STX18: variants seen among roughly 807,000 people sequenced by gnomAD.
The protein encoded by STX18 is syntaxin-18.
Under a neutral mutation model 50.1 loss-of-function variants are expected in STX18, and 40 were observed. That is an observed-to-expected ratio of 0.80 (90% CI 0.62 to 1.04). The LOEUF (loss-of-function observed/expected upper bound fraction) is 1.04. Among genes scored for constraint, STX18 ranks in the 50% least tolerant of loss-of-function variants. The pLI is 0.00. For missense variants in STX18, 410 were observed against 415.8 expected (o/e 0.99, Z 0.12); for synonymous variants, 158 against 151.8 (o/e 1.04, Z -0.30).
At chr4:4,538,114 A>T (rs1178670984) in intron 1 of STX18, among the ~76,000 whole-genome samples, 3 of 151,752 alleles carry the variant, frequency 2.0e-5, no homozygotes, top group Non-Finnish European at 4.4e-5. Flanking sequence ...AAAAAAAAAA[A>T]ACCACAAACA....
intron 1 of STX18, among the ~76,000 whole-genome samples, chr4:4,493,399 C>T (rs1729030492): frequency 6.6e-6 from 1 of 150,422 alleles, no homozygotes; most frequent in African/African-American, 2.5e-5. Context: ...CAGAAAGAGA[C>T]AGAAAGTGAT....
chr4:4,480,420 T>C (rs1189760162), intron 1 of STX18, among the ~76,000 whole-genome samples: 1 of 152,168 alleles, frequency 6.6e-6, no homozygotes, highest in African/African-American at 2.4e-5. Context: ...GTCTTCTGAC[T>C]CACTCCTATG....
At chr4:4,487,172 TAAGGAAG>T (rs1728735472) in intron 1 of STX18, among the ~76,000 whole-genome samples, 1 of 152,100 alleles carries the variant, frequency 6.6e-6, no homozygotes, top group Non-Finnish European at 1.5e-5. Context: ...ATCATCTGCA[TAAGGAAG>T]AACTTTGAAC....
chr4:4,499,573 T>C (rs1435652219), intron 1 of STX18: 79 of 982,714 alleles, frequency 8.0e-5, no homozygotes, highest in Non-Finnish European at 9.4e-5. Context: ...TTCAGATTCA[T>C]AGGTATTCAC....
Position 4,486,439 on chromosome 4 carries a change from C to T in STX18, c.169-14733G>A, listed in dbSNP as rs191134293. On this transcript the variant is annotated intron_variant, in intron 1 of 10. Transcript: ENST00000306200. ...TCATAACAGACAACGAATGTGGATA[C>T]ATTATAAATGTTTTTGAGTGAATAT... is the stretch of plus-strand genomic sequence containing the variant. Among the ~76,000 whole-genome samples the T allele has an allele frequency of 5.3e-5, 8 of 152,320 alleles. No homozygotes were observed. In the East Asian group the frequency reaches 1.2e-3, roughly 22 times the overall value.
intron 5 of STX18, among the ~76,000 whole-genome samples, chr4:4,444,262 C>T (rs560308835): frequency 6.7e-4 from 102 of 152,334 alleles, no homozygotes; most frequent in African/African-American, 2.4e-3. Context: ...TAAGTTCCCC[C>T]AAATAAACTC....
At position 4,457,074 on chromosome 4, in the gene STX18, T is replaced by C. The variant is rs2108815389; in HGVS notation, c.497+117A>G. On this transcript the variant is annotated intron_variant, in intron 5 of 10. Transcript: ENST00000306200. ...GTGCCCGGTAGCGCCAGCTATGGCATTTTGCGAAGAAGTTCAAACACGGTA... is the reference window on the plus strand; with the variant it reads ...GTGCCCGGTAGCGCCAGCTATGGCACTTTGCGAAGAAGTTCAAACACGGTA... The C allele has an allele frequency of 5.3e-6, 5 of 949,966 alleles. No individual in the cohort carries two copies. In the East Asian group the frequency reaches 1.3e-4, roughly 25 times the overall value. The allele number at this position is 949,966 out of a possible 1,614,324, so 58.8% of individuals were successfully genotyped here. A position where few individuals can be genotyped will look rare whatever the true frequency, so the allele number is the denominator to read the frequency against.
chr4:4,504,129 G>A (rs1364821953), intron 1 of STX18, among the ~76,000 whole-genome samples: 2 of 152,166 alleles, frequency 1.3e-5, no homozygotes, highest in Non-Finnish European at 2.9e-5. Flanking sequence ...TACCATGAGA[G>A]CTGCCTGAAA....
chr4:4,459,062 G>GCGCACA (rs71638564), intron 3 of STX18, among the ~76,000 whole-genome samples: 302 of 144,392 alleles, frequency 2.1e-3, no homozygotes, highest in African/African-American at 7.2e-3. Flanking sequence ...ACACACACAC[G>GCGCACA]CACACACACA....
intron 1 of STX18, among the ~76,000 whole-genome samples, chr4:4,522,256 G>A (rs978806065): frequency 1.3e-5 from 2 of 152,120 alleles, no homozygotes; most frequent in Admixed American, 6.5e-5. Context: ...CACACACGAC[G>A]TCTGGTTCAA....
intron 7 of STX18, among the ~76,000 whole-genome samples, chr4:4,427,031 A>G (rs1725276770): frequency 6.6e-6 from 1 of 151,982 alleles, no homozygotes; most frequent in Non-Finnish European, 1.5e-5. Context: ...TCTTGTTACC[A>G]AGTTCCCCTG....
At chr4:4,458,832 C>G (rs1333357461) in intron 3 of STX18, among the ~76,000 whole-genome samples, 4 of 152,112 alleles carry the variant, frequency 2.6e-5, no homozygotes, top group African/African-American at 9.7e-5. Context: ...CTATATGGCT[C>G]GGACGGGTGG....
intron 1 of STX18, among the ~76,000 whole-genome samples, chr4:4,498,642 A>C (rs948833721): frequency 2.0e-5 from 3 of 152,340 alleles, no homozygotes; most frequent in African/African-American, 7.2e-5. Flanking sequence ...GTGTACAAAC[A>C]CTATTGTCAG....
intron 1 of STX18, among the ~76,000 whole-genome samples, chr4:4,527,867 C>CACATATATATATATATATATATATAT (rs372566368): frequency 7.3e-5 from 10 of 137,206 alleles, no homozygotes; most frequent in African/African-American, 2.6e-4. Context: ...CACACACACA[C>CACATATATATATATATATATATATAT]ATATATATAT....
At chr4:4,440,192 CAG>C (rs992770843) in intron 5 of STX18, among the ~76,000 whole-genome samples, 65 of 152,192 alleles carry the variant, frequency 4.3e-4, no homozygotes, top group African/African-American at 1.6e-3. Flanking sequence ...TATTGTTAGG[CAG>C]AGAGACTGTA....
At chr4:4,465,751 T>G (rs1171388894) in intron 2 of STX18, among the ~76,000 whole-genome samples, 1 of 152,194 alleles carries the variant, frequency 6.6e-6, no homozygotes, top group Non-Finnish European at 1.5e-5. Context: ...ATCCTACACA[T>G]GTACCCAGGA....
chr4:4,453,382 A>ACACTGAGGCAAGGCC (rs1560171456), intron 5 of STX18, among the ~76,000 whole-genome samples: 1 of 152,228 alleles, frequency 6.6e-6, no homozygotes, highest in Non-Finnish European at 1.5e-5. Context: ...GTAGCCATCA[A>ACACTGAGGCAAGGCC]CACTGAGGCA....
chr4:4,496,565 G>A (rs1281192702), intron 1 of STX18, among the ~76,000 whole-genome samples: 4 of 152,082 alleles, frequency 2.6e-5, no homozygotes. Flanking sequence ...ACCACCCACT[G>A]AGCTTACCCA....
At chr4:4,534,162 T>A (rs778898298) in intron 1 of STX18, among the ~76,000 whole-genome samples, 4 of 152,210 alleles carry the variant, frequency 2.6e-5, no homozygotes, top group Admixed American at 6.5e-5. Flanking sequence ...AAGGTCTAAA[T>A]GTGGCAAAGC....
Sources: gnomAD v4.1 joint callset for allele counts (sites outside exome capture counted in the v4.1 genomes callset) on GRCh38, gnomAD v4.1.1 for gene constraint, MANE v1.5 for transcripts, NCBI Gene and HGNC (gene_info 2026-07-23, HGNC 2026-07-21) for gene names.